The following ABTB2 variants were observed in gnomAD, a reference collection of about 807,000 sequenced individuals.
ABTB2 encodes ankyrin repeat and BTB domain containing 2, also known as ankyrin repeat and BTB/POZ domain-containing protein 2.
Under a neutral mutation model 104.1 loss-of-function variants are expected in ABTB2, and 56 were observed. That is an observed-to-expected ratio of 0.54 (90% CI 0.43 to 0.67). The LOEUF (loss-of-function observed/expected upper bound fraction) is 0.67, where lower values mean the gene tolerates loss of function less well. Among genes scored for constraint, ABTB2 ranks in the 30% least tolerant of loss-of-function variants. ABTB2 has a pLI of 0.00. For missense variants in ABTB2, 1,279 were observed against 1,407.7 expected (o/e 0.91, Z 1.46); for synonymous variants, 606 against 608.2 (o/e 1.00, Z 0.05).
intron 1 of ABTB2, among the ~76,000 whole-genome samples, chr11:34,341,009 A>G (rs1342793094): frequency 6.6e-6 from 1 of 152,214 alleles, no homozygotes; most frequent in Non-Finnish European, 1.5e-5. Flanking sequence ...AGCACTCCCT[A>G]AAGCCCCTTC....
chr11:34,303,790 G>C (rs1854739622), intron 1 of ABTB2, among the ~76,000 whole-genome samples: 1 of 151,908 alleles, frequency 6.6e-6, no homozygotes, highest in Non-Finnish European at 1.5e-5. Flanking sequence ...TTACAGATGT[G>C]TGCCTCCTCG....
chr11:34,205,983 G>A (rs1853403598), intron 1 of ABTB2, among the ~76,000 whole-genome samples: 1 of 152,170 alleles, frequency 6.6e-6, no homozygotes, highest in Non-Finnish European at 1.5e-5. Flanking sequence ...CAGAGTACAT[G>A]CTCTACCAAG....
At chr11:34,284,713 T>A (rs1041196566) in intron 1 of ABTB2, among the ~76,000 whole-genome samples, 13 of 152,178 alleles carry the variant, frequency 8.5e-5, no homozygotes, top group African/African-American at 2.2e-4. Context: ...ATAGGAACAT[T>A]TATAAAATAA....
chr11:34,184,330 C>T (rs1181672819), intron 3 of ABTB2, among the ~76,000 whole-genome samples: 2 of 152,180 alleles, frequency 1.3e-5, no homozygotes, highest in East Asian at 3.8e-4. Flanking sequence ...AGCACGGCAG[C>T]CCGGGGCCAA....
At chr11:34,288,123 A>G (rs1239742087) in intron 1 of ABTB2, among the ~76,000 whole-genome samples, 8 of 152,210 alleles carry the variant, frequency 5.3e-5, no homozygotes, top group Admixed American at 4.6e-4. Flanking sequence ...ATTTCCCCCA[A>G]TATTTTATTA....
intron 1 of ABTB2, among the ~76,000 whole-genome samples, chr11:34,224,700 C>T (rs531181396): frequency 8.5e-4 from 130 of 152,254 alleles, no homozygotes; most frequent in African/African-American, 1.4e-3. Flanking sequence ...AGACTGAGGG[C>T]GAACATCAAA....
intron 4 of ABTB2, among the ~76,000 whole-genome samples, chr11:34,172,395 A>ATATAT (rs1264243637): frequency 1.4e-3 from 40 of 28,916 alleles, no homozygotes; most frequent in African/African-American, 3.5e-3. Context: ...AAAAAAAAAA[A>ATATAT]ATATATATAT....
In ABTB2 at chr11:34,357,864, C is replaced by T; in HGVS notation, c.-281G>A. 2.5e-6 allele frequency: 1 copy of T among 406,332 alleles called. No individual in the cohort carries two copies. The allele number at this position is 406,332 out of a possible 1,614,324, so 25.2% of individuals were successfully genotyped here. Reference sequence around the variant, plus strand: ...CACTCCCCCTTGTCCACCTCTAATTCCCACAAGCAGAGAGTCAGTCCTCCA... The same window carrying T: ...CACTCCCCCTTGTCCACCTCTAATTTCCACAAGCAGAGAGTCAGTCCTCCA... On this transcript the variant is annotated 5_prime_UTR_variant, in exon 1 of 17. Coordinates refer to ENST00000435224, the MANE Select transcript of ABTB2 (RefSeq NM_145804.3).
rs138456351 is a variant in ABTB2 at position 34,177,387 on chromosome 11, G to A, written c.1245-4080C>T. On this transcript the variant is annotated intron_variant, in intron 3 of 16. Coordinates refer to ENST00000435224, the MANE Select transcript of ABTB2 (RefSeq NM_145804.3). ...ACTTTACCATCTTGGCTGGTGAGGT[G>A]GAAAATTGAAAACTGCATTTCCCAG... is the stretch of plus-strand genomic sequence containing the variant. Among the ~76,000 whole-genome samples, 697 of 152,278 alleles carry A rather than the reference G, an allele frequency of 4.6e-3. 3 individuals carry two copies. The highest frequency in any genetic ancestry group is 0.016 in the African/African-American group (652 of 41,552).
At chr11:34,208,499 T>TG (rs1853437465) in intron 1 of ABTB2, among the ~76,000 whole-genome samples, 1 of 152,214 alleles carries the variant, frequency 6.6e-6, no homozygotes, top group South Asian at 2.1e-4. Flanking sequence ...AGTGATCCTT[T>TG]GCCTCCCTCT....
intron 1 of ABTB2, among the ~76,000 whole-genome samples, chr11:34,352,510 T>C (rs772190903): frequency 6.6e-6 from 1 of 152,240 alleles, no homozygotes; most frequent in Non-Finnish European, 1.5e-5. Flanking sequence ...GGAGGGCTTT[T>C]CCCCTTGTTC....
At chr11:34,302,932 G>A (rs1854725065) in intron 1 of ABTB2, among the ~76,000 whole-genome samples, 1 of 152,186 alleles carries the variant, frequency 6.6e-6, no homozygotes, top group African/African-American at 2.4e-5. Flanking sequence ...GTGCTTCACT[G>A]GGAGGGCAGC....
At chr11:34,256,236 A>C (rs141029878) in intron 1 of ABTB2, among the ~76,000 whole-genome samples, 149 of 152,292 alleles carry the variant, frequency 9.8e-4, no homozygotes, top group Admixed American at 2.2e-3. Flanking sequence ...ACATAAACTT[A>C]ATAAAACACA....
chr11:34,293,735 T>C (rs1854589093), intron 1 of ABTB2, among the ~76,000 whole-genome samples: 1 of 152,084 alleles, frequency 6.6e-6, no homozygotes, highest in Non-Finnish European at 1.5e-5. Context: ...AATTTTTTTT[T>C]TTTCCTCAAG....
chr11:34,222,433 T>C (rs566193550), intron 1 of ABTB2, among the ~76,000 whole-genome samples: 23 of 152,280 alleles, frequency 1.5e-4, no homozygotes, highest in African/African-American at 5.5e-4. Flanking sequence ...AGGAAGTCCA[T>C]TCAGATGGCT....
rs200772478 is a variant in ABTB2, at chr11:34,227,287, A to G, written c.884-22597T>C. ...AGACTCCATCTCAAAAAAAAAAAAG[A>G]AAAAAAAAAAAAAGAATCTGTACCC... On this transcript the variant is annotated intron_variant, in intron 1 of 16. Coordinates refer to ENST00000435224, the MANE Select transcript of ABTB2 (RefSeq NM_145804.3). 6.6e-3 allele frequency among the ~76,000 whole-genome samples: 655 copies of G among 99,764 alleles called. 1 individual carries two copies. The highest frequency in any genetic ancestry group is 0.027 in the East Asian group (72 of 2,672). 65.4% of individuals were successfully genotyped at this position (99,764 alleles called of 152,430 possible).
At chr11:34,239,818 C>T (rs1035131002) in intron 1 of ABTB2, among the ~76,000 whole-genome samples, 4 of 152,140 alleles carry the variant, frequency 2.6e-5, no homozygotes, top group Non-Finnish European at 4.4e-5. Context: ...TCTGCCCCTC[C>T]CCCACCTCTT....
At chr11:34,335,650 T>C in intron 1 of ABTB2, 13 of 1,437,726 alleles carry the variant, frequency 9.0e-6, no homozygotes, top group Non-Finnish European at 1.3e-5. Context: ...TTCATTCACA[T>C]ATTGTGTCAT....
chr11:34,354,742 G>T (rs1209611884), intron 1 of ABTB2, among the ~76,000 whole-genome samples: 2 of 152,212 alleles, frequency 1.3e-5, no homozygotes, highest in African/African-American at 2.4e-5. Context: ...TGTTCTGCAT[G>T]AATATATGTT....
Sources: allele counts gnomAD v4.1 joint callset (sites outside exome capture counted in the v4.1 genomes callset), GRCh38; gene constraint gnomAD v4.1.1; transcripts MANE v1.5; gene names NCBI Gene and HGNC (gene_info 2026-07-23, HGNC 2026-07-21).